ZBTB24: variants seen among roughly 807,000 people sequenced by gnomAD.
The protein encoded by ZBTB24 is zinc finger and BTB domain containing 24.
In ZBTB24, 32 loss-of-function variants were observed where a neutral mutation model predicts 53.8. The observed-to-expected ratio is 0.60, with a 90% CI of 0.45 to 0.80. The LOEUF (loss-of-function observed/expected upper bound fraction) is 0.80, where lower values mean the gene tolerates loss of function less well. ZBTB24 is among the 30% of genes least tolerant of loss of function. The probability of loss-of-function intolerance (pLI) is 0.00; values close to 1 mark genes in which losing one functional copy is unlikely to be tolerated. For synonymous variants in ZBTB24, 297 were observed against 306.7 expected (o/e 0.97, Z 0.33); for missense variants, 722 against 837.1 (o/e 0.86, Z 1.70).
At chr6:109,470,854 G>A (rs1354653112) in intron 5 of ZBTB24, among the ~76,000 whole-genome samples, 2 of 152,228 alleles carry the variant, frequency 1.3e-5, no homozygotes, top group Non-Finnish European at 2.9e-5. Flanking sequence ...CTTACTGTGT[G>A]AGGTCATCCA....
rs1253189756 is a variant in ZBTB24, at chr6:109,465,412, C to T, written c.*439G>A. On this transcript the variant is annotated 3_prime_UTR_variant, in exon 7 of 7. Transcript: ENST00000230122. ...TTGTCTTGTGGTAACAACTGTGTTGCCTAAGAAAAATAAGAAAATAGAACA... is the reference window on the plus strand; with the variant it reads ...TTGTCTTGTGGTAACAACTGTGTTGTCTAAGAAAAATAAGAAAATAGAACA... 3.8e-6 allele frequency: 2 copies of T among 531,346 alleles called. No individual in the cohort carries two copies. Among genetic ancestry groups the T allele is most frequent in the African/African-American group, 3.8e-5 (2 of 52,588 alleles). The allele number at this position is 531,346 out of a possible 1,614,324, so 32.9% of individuals were successfully genotyped here. A position where few individuals can be genotyped will look rare whatever the true frequency, so the allele number is the denominator to read the frequency against.
Position 109,476,161 on chromosome 6 carries a change from TCA to T in ZBTB24, c.1204+12_1204+13del. ...TTCTTCCCCCCCAATCTAAATGTTC[TCA>T]CTTTATCGTACCTGTATGAACTCGG... On this transcript the variant is annotated intron_variant, in intron 4 of 6. Transcript: ENST00000230122. The T allele has an allele frequency of 6.2e-7, 1 of 1,613,374 alleles. No individual in the cohort carries two copies. Among genetic ancestry groups the T allele is most frequent in the South Asian group, 1.1e-5 (1 of 90,858 alleles).
rs41288566 is a variant in ZBTB24 at position 109,465,194 on chromosome 6, T to A, written c.*657A>T. The A allele has an allele frequency of 0.021, 3,222 of 153,668 alleles. 55 individuals carry two copies. Among genetic ancestry groups the A allele is most frequent in the Non-Finnish European group, 0.037 (2,519 of 69,002 alleles). 9.5% of individuals were successfully genotyped at this position (153,668 alleles called of 1,614,324 possible). On this transcript the variant is annotated 3_prime_UTR_variant, in exon 7 of 7. Transcript: ENST00000230122. ...AGAATTTTAAGAAATCCTATGCTTT[T>A]GGCTATCTTGTTACATGAATTTTGA...
intron 5 of ZBTB24, among the ~76,000 whole-genome samples, chr6:109,471,600 GGTGGGACTGTGCT>G (rs1178563320): frequency 6.6e-6 from 1 of 152,152 alleles, no homozygotes; most frequent in African/African-American, 2.4e-5. Context: ...ACACTGGCGG[GGTGGGACTGTGCT>G]GTGGGGTCAG....
At position 109,481,997 on chromosome 6, in the gene ZBTB24, C is replaced by T; in HGVS notation, c.30G>A (p.Gly10=). ...GAGCGTCTGAGTGTACAACAAGCTG[C>T]CCAGAAGGCTCTGGCGATGTTTCTG... MAETSPEPS[G]QLVVHSDAHS... Residue 10 remains glycine, a synonymous_variant, in exon 2 of 7, where the codon GGG becomes GGA. Transcript: ENST00000230122. 1 of 1,614,218 alleles carries T rather than the reference C, an allele frequency of 6.2e-7. No homozygotes were observed. Among genetic ancestry groups the T allele is most frequent in the Non-Finnish European group, 8.5e-7 (1 of 1,180,042 alleles).
intron 2 of ZBTB24, among the ~76,000 whole-genome samples, chr6:109,480,025 C>A (rs975712833): frequency 6.6e-6 from 1 of 151,528 alleles, no homozygotes; most frequent in Non-Finnish European, 1.5e-5. Context: ...AGCTCTTCAA[C>A]CTATCTGTAG....
At chr6:109,475,326 C>T in intron 5 of ZBTB24, 73 bp downstream of exon 5, 1 of 1,556,112 alleles carries the variant, frequency 6.4e-7, no homozygotes, top group Non-Finnish European at 8.9e-7. Context: ...TAGCAGGGCA[C>T]TCAGAGAACT....
At chr6:109,480,676 G>T (rs1776385715) in intron 2 of ZBTB24, among the ~76,000 whole-genome samples, 1 of 152,198 alleles carries the variant, frequency 6.6e-6, no homozygotes, top group Non-Finnish European at 1.5e-5. Context: ...AGGGTACATT[G>T]GGCTAGATCT....
At chr6:109,473,930 A>C (rs887028427) in intron 5 of ZBTB24, among the ~76,000 whole-genome samples, 2 of 151,982 alleles carry the variant, frequency 1.3e-5, no homozygotes, top group Admixed American at 6.6e-5. Context: ...ACAAAAAAAA[A>C]ACACAAAAAT....
intron 5 of ZBTB24, among the ~76,000 whole-genome samples, chr6:109,471,345 A>C (rs1254906323): frequency 6.6e-6 from 1 of 152,178 alleles, no homozygotes; most frequent in African/African-American, 2.4e-5. Flanking sequence ...CTGTAAGGGC[A>C]TGTTATGGTG....
chr6:109,473,528 C>A (rs183744832), intron 5 of ZBTB24, among the ~76,000 whole-genome samples: 2 of 152,330 alleles, frequency 1.3e-5, no homozygotes, highest in African/African-American at 4.8e-5. Context: ...AAGAGCAACT[C>A]TCTTTCCGGC....
chr6:109,475,802 G>T (rs549681434), intron 4 of ZBTB24, among the ~76,000 whole-genome samples: 3 of 152,184 alleles, frequency 2.0e-5, no homozygotes, highest in Admixed American at 6.5e-5. Context: ...TGGCAGGAAA[G>T]AAAAAGGACA....
intron 2 of ZBTB24, among the ~76,000 whole-genome samples, chr6:109,477,325 AT>A (rs896049402): frequency 4.6e-5 from 7 of 151,894 alleles, no homozygotes; most frequent in East Asian, 3.9e-4. Flanking sequence ...TGTAATTTTA[AT>A]TTTTTTTAGA....
intron 5 of ZBTB24, among the ~76,000 whole-genome samples, chr6:109,474,647 T>A (rs748965924): frequency 6.6e-6 from 1 of 150,912 alleles, no homozygotes; most frequent in Admixed American, 6.6e-5. Flanking sequence ...GGCAGGAGAA[T>A]CACTTGAACC....
In ZBTB24 at chr6:109,476,776, C is replaced by G; in HGVS notation, c.1107G>C (p.Met369Ile). 1 of 1,613,562 alleles carries G rather than the reference C, an allele frequency of 6.2e-7. No homozygotes were observed. Among genetic ancestry groups the G allele is most frequent in the Non-Finnish European group, 8.5e-7 (1 of 1,179,976 alleles). The change falls in exon 3 of 7, where the codon ATG (methionine) becomes ATC (isoleucine). Residue 369 changes from methionine (M) to isoleucine (I), a missense_variant. Physicochemically the swap from Met to Ile is conservative, Grantham distance 10 (BLOSUM62 1). Transcript: ENST00000230122. ...LTTKHSLLEHMSLHSGQKSFT... is the reference protein window; with the variant it reads ...LTTKHSLLEHISLHSGQKSFT... ...AAGCCCCACTACCTGAGTGCAGGCT[C>G]ATGTGCTCCAGCAGTGAGTGCTTGG...
intron 2 of ZBTB24, among the ~76,000 whole-genome samples, chr6:109,479,323 G>A (rs1202566059): frequency 1.3e-5 from 2 of 152,192 alleles, no homozygotes; most frequent in Non-Finnish European, 2.9e-5. Flanking sequence ...CACTTATACA[G>A]AGTACTGTAT....
At chr6:109,474,673 G>T (rs1776242027) in intron 5 of ZBTB24, among the ~76,000 whole-genome samples, 2 of 151,682 alleles carry the variant, frequency 1.3e-5, no homozygotes, top group Admixed American at 1.3e-4. Context: ...GGCAGAGGTT[G>T]CAGTGAGCCA....
chr6:109,470,494 G>C (rs1776143327), intron 5 of ZBTB24, among the ~76,000 whole-genome samples: 1 of 152,174 alleles, frequency 6.6e-6, no homozygotes, highest in African/African-American at 2.4e-5. Context: ...ATCACAGCTG[G>C]ATTTCCCATG....
chr6:109,465,871 G>C lies in ZBTB24; in HGVS notation c.2074C>G (p.Leu692Val), dbSNP rs765056883. The C allele has an allele frequency of 6.2e-7, 1 of 1,614,208 alleles. No homozygotes were observed. Among genetic ancestry groups the C allele is most frequent in the Non-Finnish European group, 8.5e-7 (1 of 1,180,036 alleles). Residue 692 changes from leucine (L) to valine (V), a missense_variant, in exon 7 of 7, where the codon CTT becomes GTT. Coordinates refer to ENST00000230122, the MANE Select transcript of ZBTB24 (RefSeq NM_014797.3). ...PTHHVPQPTP[L>V]GQEQS ...ACAGGTCAGCTCTGCTCCTGGCCAA[G>C]TGGCGTTGGCTGGGGCACGTGGTGA...
Sources: allele counts gnomAD v4.1 joint callset (sites outside exome capture counted in the v4.1 genomes callset), GRCh38; gene constraint gnomAD v4.1.1; transcripts MANE v1.5; gene names NCBI Gene and HGNC (gene_info 2026-07-23, HGNC 2026-07-21).